Variants in ABI1 observed in about 807,000 individuals in gnomAD.
The protein encoded by ABI1 is abl interactor 1.
Under a neutral mutation model 54.6 loss-of-function variants are expected in ABI1, and 14 were observed. The ratio of observed to expected loss-of-function variants is 0.26; its 90% CI spans 0.17 to 0.40. The LOEUF (loss-of-function observed/expected upper bound fraction) is 0.40. Among genes scored for constraint, ABI1 ranks in the 10% least tolerant of loss-of-function variants. ABI1 has a pLI of 1.00. For missense variants in ABI1, 443 were observed against 598.3 expected (o/e 0.74, Z 2.71); for synonymous variants, 194 against 209.3 (o/e 0.93, Z 0.63).
rs1351383621 is a variant in ABI1, at chr10:26,860,571, C to A, written c.117+176G>T. ...CCACTTCCTGTATCGCAGCCCGACT[C>A]CCTCAGCCCGGCCACTCGCTCTGTC... is the stretch of plus-strand genomic sequence containing the variant. On this transcript the variant is annotated intron_variant, in intron 1 of 10. Coordinates refer to ENST00000376140, the MANE Select transcript of ABI1 (RefSeq NM_001012750.3). This position sits in a 1 kb window ranked among gnomAD's most constrained non-coding sequence, Gnocchi z 4.1. 6.6e-6 allele frequency among the ~76,000 whole-genome samples: 1 copy of A among 152,210 alleles called. No homozygotes were observed. Among genetic ancestry groups the A allele is most frequent in the African/African-American group, 2.4e-5 (1 of 41,452 alleles).
At chr10:26,803,014 G>A (rs1354170006) in intron 2 of ABI1, among the ~76,000 whole-genome samples, 1 of 152,094 alleles carries the variant, frequency 6.6e-6, no homozygotes, top group African/African-American at 2.4e-5. Flanking sequence ...ATATATAGAA[G>A]TACTAGGAAA....
At chr10:26,838,759 G>A (rs190589645) in intron 1 of ABI1, among the ~76,000 whole-genome samples, 366 of 152,320 alleles carry the variant, frequency 2.4e-3, no homozygotes, top group African/African-American at 8.5e-3. Flanking sequence ...ACATCTTTAA[G>A]TGAAATATCC....
intron 1 of ABI1, among the ~76,000 whole-genome samples, chr10:26,839,992 AAAAAAC>A (rs963434549): frequency 1.1e-4 from 16 of 152,122 alleles, no homozygotes; most frequent in South Asian, 4.2e-4. Context: ...CCTGTATCAA[AAAAAAC>A]AAAAACAAAA....
intron 2 of ABI1, among the ~76,000 whole-genome samples, chr10:26,796,018 G>A (rs1003066911): frequency 6.6e-6 from 1 of 151,898 alleles, no homozygotes; most frequent in African/African-American, 2.4e-5. Flanking sequence ...AAGCTTCGTA[G>A]GTCTAAGCTG....
intron 2 of ABI1, among the ~76,000 whole-genome samples, chr10:26,779,329 C>G (rs1841826016): frequency 6.6e-6 from 1 of 152,116 alleles, no homozygotes; most frequent in Admixed American, 6.5e-5. Flanking sequence ...GGATAAGTAC[C>G]AGGAAGTAGG....
chr10:26,746,716 T>C lies in ABI1; in HGVS notation c.*1854A>G, dbSNP rs532549089. Reference sequence around the variant, plus strand: ...ATAAATTATAATCAAGGTATCTTGATGGTTATATGTGGTATTGTTTACACT... The same window carrying C: ...ATAAATTATAATCAAGGTATCTTGACGGTTATATGTGGTATTGTTTACACT... On this transcript the variant is annotated 3_prime_UTR_variant, in exon 11 of 11. Coordinates refer to ENST00000376140, the MANE Select transcript of ABI1 (RefSeq NM_001012750.3). 1.1e-4 allele frequency: 55 copies of C among 497,278 alleles called. No homozygotes were observed. Among genetic ancestry groups the C allele is most frequent in the African/African-American group, 1.0e-3 (53 of 52,166 alleles). The allele number at this position is 497,278 out of a possible 1,614,324, so 30.8% of individuals were successfully genotyped here. A position where few individuals can be genotyped will look rare whatever the true frequency, so the allele number is the denominator to read the frequency against.
chr10:26,763,346 T>C (rs961452109), intron 7 of ABI1, among the ~76,000 whole-genome samples: 1 of 152,212 alleles, frequency 6.6e-6, no homozygotes, highest in Non-Finnish European at 1.5e-5. Context: ...AGTTCAGTCA[T>C]CCCCAACTTG....
chr10:26,859,669 C>T (rs2051136112), intron 1 of ABI1, among the ~76,000 whole-genome samples: 1 of 152,168 alleles, frequency 6.6e-6, no homozygotes, highest in Admixed American at 6.5e-5. Context: ...TCACAAAGTC[C>T]CAAGAGTTTT....
At chr10:26,798,346 C>A (rs1398385443) in intron 2 of ABI1, among the ~76,000 whole-genome samples, 3 of 152,018 alleles carry the variant, frequency 2.0e-5, no homozygotes, top group Non-Finnish European at 2.9e-5. Context: ...AGGGTCCTTA[C>A]AAGCCAAAGA....
intron 2 of ABI1, among the ~76,000 whole-genome samples, chr10:26,799,893 C>T (rs2046429999): frequency 6.6e-6 from 1 of 151,582 alleles, no homozygotes; most frequent in African/African-American, 2.4e-5. Context: ...TCTTGATGGG[C>T]ATGCCAAGTT....
intron 2 of ABI1, among the ~76,000 whole-genome samples, chr10:26,815,582 A>G (rs375631483): frequency 1.3e-5 from 2 of 152,260 alleles, no homozygotes; most frequent in Non-Finnish European, 2.9e-5. Context: ...ACCATATTTT[A>G]GTTAACACCA....
Position 26,751,733 on chromosome 10 carries a change from T to C in ABI1, c.1135A>G (p.Met379Val). 6.2e-7 allele frequency: 1 copy of C among 1,613,544 alleles called. No homozygotes were observed. The highest frequency in any genetic ancestry group is 8.5e-7 in the Non-Finnish European group (1 of 1,179,800). The change falls in exon 10 of 11, where the codon ATG becomes GTG. Residue 379 changes from methionine (M) to valine (V), a missense_variant. By Grantham distance (21) the Met-to-Val change is conservative. Transcript: ENST00000376140. Reference protein sequence around the residue: ...PPPPPPDDIPMFDDSPPPPPP... With the variant: ...PPPPPPDDIPVFDDSPPPPPP... ...GGGGGAGGTGGAGAGTCATCAAACATGGGAATGTCATCTGGTGGAGGTGGT... is the reference window on the plus strand; with the variant it reads ...GGGGGAGGTGGAGAGTCATCAAACACGGGAATGTCATCTGGTGGAGGTGGT...
At chr10:26,841,450 A>C (rs1249318009) in intron 1 of ABI1, among the ~76,000 whole-genome samples, 1 of 138,100 alleles carries the variant, frequency 7.2e-6, no homozygotes, top group Non-Finnish European at 1.6e-5. Flanking sequence ...CTAAAAATCT[A>C]TTCATTTAGC....
intron 2 of ABI1, among the ~76,000 whole-genome samples, chr10:26,803,694 T>C (rs2046702889): frequency 6.6e-6 from 1 of 152,200 alleles, no homozygotes; most frequent in Non-Finnish European, 1.5e-5. Context: ...TGCTTCAAAA[T>C]GGAGAATCTT....
intron 3 of ABI1, among the ~76,000 whole-genome samples, chr10:26,774,253 T>C (rs1233475466): frequency 6.6e-6 from 1 of 152,254 alleles, no homozygotes; most frequent in Admixed American, 6.5e-5. Context: ...TCGTATTTTT[T>C]ACTTTTTCTT....
At position 26,747,369 on chromosome 10, in the gene ABI1, C is replaced by CTGTT. The variant is rs1837065504; in HGVS notation, c.*1197_*1200dup. ...GATTATGTCAAAAGACAATCCAAGT[C>CTGTT]TGTTGGTTAGGTAAATCTCTGTTCA... On this transcript the variant is annotated 3_prime_UTR_variant, in exon 11 of 11. Transcript: ENST00000376140. The CTGTT allele has an allele frequency of 4.4e-6, 1 of 224,742 alleles. No individual in the cohort carries two copies. The highest frequency in any genetic ancestry group is 1.8e-4 in the South Asian group (1 of 5,472). The allele number at this position is 224,742 out of a possible 1,614,324, so 13.9% of individuals were successfully genotyped here.
chr10:26,845,075 G>A (rs1012971084), intron 1 of ABI1, among the ~76,000 whole-genome samples: 2 of 151,702 alleles, frequency 1.3e-5, no homozygotes, highest in Admixed American at 1.3e-4. Flanking sequence ...AGAAGAAGAA[G>A]AGACATTTTA....
chr10:26,816,521 T>G (rs570313981), intron 2 of ABI1, among the ~76,000 whole-genome samples: 17 of 152,260 alleles, frequency 1.1e-4, no homozygotes, highest in African/African-American at 4.1e-4. Flanking sequence ...GAGGAGCTGA[T>G]CCACCCAGAG....
chr10:26,819,210 A>AG lies in ABI1; in HGVS notation c.285+3927_285+3928insC, dbSNP rs1554825097. Among the ~76,000 whole-genome samples, 227 of 151,442 alleles carry AG rather than the reference A, an allele frequency of 1.5e-3. 1 individual carries two copies. The highest frequency in any genetic ancestry group is 5.3e-3 in the African/African-American group (217 of 41,238). On this transcript the variant is annotated intron_variant, in intron 2 of 10. Coordinates refer to ENST00000376140, the MANE Select transcript of ABI1 (RefSeq NM_001012750.3). Reference sequence around the variant, plus strand: ...GAACAAAGTGTTACACCAAATCAGCACCCCCCCCAAAAAAAATTCACTCCA... The same window carrying AG: ...GAACAAAGTGTTACACCAAATCAGCAGCCCCCCCCAAAAAAAATTCACTCCA...
Sources: gnomAD v4.1 joint callset for allele counts (sites outside exome capture counted in the v4.1 genomes callset) on GRCh38, gnomAD v4.1.1 for gene constraint, Gnocchi (gnomAD v3.1) non-coding constraint, MANE v1.5 for transcripts, NCBI Gene and HGNC (gene_info 2026-07-23, HGNC 2026-07-21) for gene names.